Variants in MYO16 observed in about 807,000 individuals in gnomAD.
The protein encoded by MYO16 is myosin XVI, also known as unconventional myosin-XVI.
A neutral mutation model predicts 205.3 loss-of-function variants in MYO16; 94 were observed. That is an observed-to-expected ratio of 0.46 (90% CI 0.39 to 0.54). The LOEUF is 0.54. MYO16 is among the 20% of genes least tolerant of loss of function. The pLI, the probability that MYO16 is intolerant of heterozygous loss-of-function variation, is 0.00. For synonymous variants in MYO16, 988 were observed against 954.0 expected (o/e 1.04, Z -0.66); for missense variants, 2,315 against 2,387.5 (o/e 0.97, Z 0.63).
chr13:108,602,571 A>G (rs1878804823), intron 1 of MYO16, among the ~76,000 whole-genome samples: 1 of 143,490 alleles, frequency 7.0e-6, no homozygotes, highest in Non-Finnish European at 1.6e-5. Flanking sequence ...GTAACCAAAT[A>G]TGGGGAAAAA....
At chr13:109,178,452 G>T (rs1291601293) in intron 33 of MYO16, among the ~76,000 whole-genome samples, 1 of 152,196 alleles carries the variant, frequency 6.6e-6, no homozygotes, top group Non-Finnish European at 1.5e-5. Context: ...GGAAAAGCGT[G>T]CACTGATTGT....
intron 13 of MYO16, among the ~76,000 whole-genome samples, chr13:108,885,740 G>A (rs1280631926): frequency 2.6e-5 from 4 of 152,118 alleles, no homozygotes; most frequent in Non-Finnish European, 4.4e-5. Flanking sequence ...ATTCTAGGAT[G>A]ATCATTGCAG....
intron 22 of MYO16, among the ~76,000 whole-genome samples, chr13:109,010,372 CA>C (rs1885551044): frequency 6.6e-6 from 1 of 152,100 alleles, no homozygotes; most frequent in African/African-American, 2.4e-5. Context: ...TTCAGACATC[CA>C]GAAAACATAA....
intron 4 of MYO16, among the ~76,000 whole-genome samples, chr13:108,757,027 C>T (rs1160228507): frequency 6.6e-6 from 1 of 152,084 alleles, no homozygotes; most frequent in Non-Finnish European, 1.5e-5. Flanking sequence ...AAATAGAATG[C>T]CATGATTGCT....
chr13:109,135,667 T>C (rs1180803988), intron 31 of MYO16, among the ~76,000 whole-genome samples: 1 of 152,224 alleles, frequency 6.6e-6, no homozygotes, highest in Non-Finnish European at 1.5e-5. Flanking sequence ...CGCCAAAATT[T>C]TGAGAGACCA....
At chr13:108,624,359 T>C (rs1189707959) in intron 1 of MYO16, among the ~76,000 whole-genome samples, 3 of 152,182 alleles carry the variant, frequency 2.0e-5, no homozygotes, top group African/African-American at 4.8e-5. Flanking sequence ...GGTTGCAGTA[T>C]ACTATTTATT....
chr13:109,081,208 A>G (rs1455068804), intron 27 of MYO16, among the ~76,000 whole-genome samples: 1 of 152,214 alleles, frequency 6.6e-6, no homozygotes, highest in African/African-American at 2.4e-5. Flanking sequence ...CTTTCTCAAC[A>G]TAATTCATTG....
intron 23 of MYO16, chr13:109,028,438 T>A (rs777201928): frequency 2.1e-5 from 6 of 290,618 alleles, no homozygotes; most frequent in South Asian, 2.0e-4. Flanking sequence ...GATGAGTAGC[T>A]CCCTTTGAAG....
At chr13:108,830,661 G>C (rs1408981211) in intron 9 of MYO16, among the ~76,000 whole-genome samples, 5 of 150,278 alleles carry the variant, frequency 3.3e-5, no homozygotes, top group Middle Eastern at 3.4e-3. Flanking sequence ...CCTAATGCTA[G>C]ATGACGAGTT....
Position 108,842,459 on chromosome 13 carries a change from C to G in MYO16, c.1098-1884C>G, listed in dbSNP as rs448603. On this transcript the variant is annotated intron_variant, in intron 9 of 34. Coordinates refer to ENST00000457511, the MANE Select transcript of MYO16 (RefSeq NM_001198950.3). ...TTTTAATATGAGCAAAGAACCTGAA[C>G]AGACATTTTTCCAAAGAAGATATAC... is the stretch of plus-strand genomic sequence containing the variant. Among the ~76,000 whole-genome samples the G allele has an allele frequency of 4.9e-4, 75 of 151,952 alleles. 1 individual carries two copies. Among genetic ancestry groups the G allele is most frequent in the African/African-American group, 1.7e-3 (70 of 41,424 alleles).
intron 21 of MYO16, among the ~76,000 whole-genome samples, chr13:109,006,060 CCTT>C (rs1416851028): frequency 7.9e-5 from 12 of 152,046 alleles, no homozygotes; most frequent in Non-Finnish European, 1.5e-4. Flanking sequence ...TGGAAGCTGT[CCTT>C]ATATGGGCTA....
chr13:108,636,397 G>GTA (rs1880252106), intron 1 of MYO16, among the ~76,000 whole-genome samples: 1 of 135,474 alleles, frequency 7.4e-6, no homozygotes, highest in Non-Finnish European at 1.5e-5. Context: ...GTGTGTGTGT[G>GTA]TGTGTGTGTG....
chr13:108,566,531 CTGAGG>C, the MYO16 span, among the ~76,000 whole-genome samples: 3 of 151,584 alleles, frequency 2.0e-5, no homozygotes, highest in African/African-American at 7.3e-5. Flanking sequence ...ACTCAGGAGA[CTGAGG>C]CAGGAGAATT....
At chr13:108,739,116 G>A (rs1283166410) in intron 4 of MYO16, among the ~76,000 whole-genome samples, 1 of 152,088 alleles carries the variant, frequency 6.6e-6, no homozygotes, top group African/African-American at 2.4e-5. Context: ...CTTTTAATTG[G>A]AGCATTTAGT....
At chr13:108,928,066 A>G (rs1370682505) in intron 16 of MYO16, among the ~76,000 whole-genome samples, 1 of 152,086 alleles carries the variant, frequency 6.6e-6, no homozygotes, top group Non-Finnish European at 1.5e-5. Context: ...TCTGCGTTTC[A>G]CAGTCACATC....
chr13:108,543,733 T>C, the MYO16 span, among the ~76,000 whole-genome samples: 1 of 81,490 alleles, frequency 1.2e-5, no homozygotes, highest in Non-Finnish European at 2.1e-5. Context: ...TTTCCCTTCC[T>C]TTTTTTCTTT....
chr13:108,589,243 TCTTTATCCTTAC>T, the MYO16 span, among the ~76,000 whole-genome samples: 1 of 152,226 alleles, frequency 6.6e-6, no homozygotes, highest in Non-Finnish European at 1.5e-5. Context: ...CATGTTGACT[TCTTTATCCTTAC>T]CTTTTCCTAC....
At chr13:108,501,647 G>A in the MYO16 span, among the ~76,000 whole-genome samples, 13,963 of 152,246 alleles carry the variant, frequency 0.092, 829 homozygotes, top group East Asian at 0.22. Context: ...CTGGAAACAA[G>A]AAGCCACCAC....
In MYO16 at chr13:108,888,311, AG is replaced by A. The variant is rs1304758105; in HGVS notation, c.1554-59del. ...CTTCAAAGTAGTTTCAAAGGAACAAAGGAACAAGCTTTGAAGCAAAGTTCCT... is the reference window on the plus strand; with the variant it reads ...CTTCAAAGTAGTTTCAAAGGAACAAAGAACAAGCTTTGAAGCAAAGTTCCT... On this transcript the variant is annotated intron_variant, in intron 13 of 34. Transcript: ENST00000457511. 1.3e-5 allele frequency: 16 copies of A among 1,198,552 alleles called. No individual in the cohort carries two copies. In the African/African-American group the frequency reaches 1.7e-4, roughly 13 times the overall value. The allele number at this position is 1,198,552 out of a possible 1,614,324, so 74.2% of individuals were successfully genotyped here.
Sources: gnomAD v4.1 joint callset for allele counts (sites outside exome capture counted in the v4.1 genomes callset) on GRCh38, gnomAD v4.1.1 for gene constraint, MANE v1.5 for transcripts, NCBI Gene and HGNC (gene_info 2026-07-23, HGNC 2026-07-21) for gene names.